ZNF536: variants seen among roughly 807,000 people sequenced by gnomAD.
The protein encoded by ZNF536 is zinc finger protein 536.
ZNF536 carries 13 observed loss-of-function variants against 84.5 expected under a neutral mutation model. The observed-to-expected ratio is 0.15, with a 90% CI of 0.10 to 0.24. ZNF536 has a LOEUF of 0.24. ZNF536 is among the 10% of genes least tolerant of loss of function. The pLI is 1.00. For synonymous variants in ZNF536, 811 were observed against 742.5 expected (o/e 1.09, Z -1.50); for missense variants, 1,536 against 1,747.5 (o/e 0.88, Z 2.16).
intron 2 of ZNF536, among the ~76,000 whole-genome samples, chr19:30,467,173 C>A (rs1357426014): frequency 1.3e-5 from 2 of 152,166 alleles, no homozygotes; most frequent in Admixed American, 1.3e-4. Flanking sequence ...GTGGTATGAG[C>A]TACATGCACA....
intron 1 of ZNF536, among the ~76,000 whole-genome samples, chr19:30,567,457 TCA>T (rs1379059018): frequency 6.6e-6 from 1 of 152,210 alleles, no homozygotes; most frequent in Non-Finnish European, 1.5e-5. Context: ...TCCTTCCATG[TCA>T]CAGTCTGTGA....
chr19:30,253,176 C>T (rs923641446), intron 1 of ZNF536, among the ~76,000 whole-genome samples: 3 of 152,130 alleles, frequency 2.0e-5, no homozygotes, highest in Non-Finnish European at 4.4e-5. Flanking sequence ...GGAGAGGGAT[C>T]CTAGCTGGTG....
intron 1 of ZNF536, among the ~76,000 whole-genome samples, chr19:30,564,972 TAAG>T (rs1455076811): frequency 3.9e-5 from 6 of 152,152 alleles, no homozygotes; most frequent in African/African-American, 1.2e-4. Flanking sequence ...GGGCTGTGAT[TAAG>T]AAGGTCTTAT....
At chr19:30,406,477 A>T (rs1165054492) in intron 1 of ZNF536, among the ~76,000 whole-genome samples, 2 of 152,152 alleles carry the variant, frequency 1.3e-5, no homozygotes, top group African/African-American at 4.8e-5. Flanking sequence ...CTGCAGGCTG[A>T]TGTAGGAGAG....
chr19:30,370,809 A>G (rs2048587560), upstream of ZNF536, among the ~76,000 whole-genome samples: 1 of 152,252 alleles, frequency 6.6e-6, no homozygotes, highest in Non-Finnish European at 1.5e-5. Flanking sequence ...AATGATAAGT[A>G]CGTATTTTTG....
chr19:30,322,919 T>C (rs1342537566), intron 2 of ZNF536, among the ~76,000 whole-genome samples: 1 of 152,222 alleles, frequency 6.6e-6, no homozygotes, highest in African/African-American at 2.4e-5. Context: ...AGAGATTTGC[T>C]GAGGCTCAAA....
At chr19:30,391,981 C>G (rs116994397) in intron 1 of ZNF536, among the ~76,000 whole-genome samples, 5,731 of 152,222 alleles carry the variant, frequency 0.038, 166 homozygotes, top group Middle Eastern at 0.12. Context: ...TATCCTCCCC[C>G]CTTCACCCCC....
At chr19:30,256,553 C>T (rs2024926862) in intron 1 of ZNF536, among the ~76,000 whole-genome samples, 1 of 152,154 alleles carries the variant, frequency 6.6e-6, no homozygotes, top group African/African-American at 2.4e-5. Context: ...AGGGGCTTAA[C>T]TCAGTCCTGC....
At chr19:30,410,661 G>A (rs865895851) in intron 1 of ZNF536, among the ~76,000 whole-genome samples, 3 of 152,110 alleles carry the variant, frequency 2.0e-5, no homozygotes, top group African/African-American at 7.2e-5. Context: ...GTGTTTTTTA[G>A]TAGAGACGGG....
chr19:30,621,352 G>C (rs759574246), intron 1 of ZNF536, among the ~76,000 whole-genome samples: 1 of 151,920 alleles, frequency 6.6e-6, no homozygotes, highest in East Asian at 1.9e-4. Flanking sequence ...CTCACATATC[G>C]TGCCAGAATT....
intron 2 of ZNF536, among the ~76,000 whole-genome samples, chr19:30,303,516 T>A (rs2046252870): frequency 6.6e-6 from 1 of 151,936 alleles, no homozygotes; most frequent in African/African-American, 2.4e-5. Context: ...CTTTTTTTTT[T>A]TTTTGAGATG....
intron 1 of ZNF536, among the ~76,000 whole-genome samples, chr19:30,569,222 T>C (rs1285601346): frequency 1.3e-5 from 2 of 152,166 alleles, no homozygotes; most frequent in African/African-American, 4.8e-5. Context: ...TTGAGGTATA[T>C]ATCACGTAAT....
intron 2 of ZNF536, among the ~76,000 whole-genome samples, chr19:30,314,316 G>A (rs1299067241): frequency 1.3e-5 from 2 of 152,190 alleles, no homozygotes; most frequent in African/African-American, 2.4e-5. Flanking sequence ...AGGCTGTGGT[G>A]TAGACAGGGC....
At chr19:30,610,301 C>T (rs541303159) in intron 1 of ZNF536, among the ~76,000 whole-genome samples, 3 of 152,180 alleles carry the variant, frequency 2.0e-5, no homozygotes, top group South Asian at 4.1e-4. Flanking sequence ...TAGGGTGTGA[C>T]GGCAACCATA....
intron 1 of ZNF536, among the ~76,000 whole-genome samples, chr19:30,399,026 CCCA>C (rs1165812287): frequency 1.3e-5 from 2 of 152,192 alleles, no homozygotes; most frequent in East Asian, 1.9e-4. Context: ...AATTTACACT[CCCA>C]CCAACAGTGT....
At chr19:30,490,464 C>A (rs141543692) in intron 2 of ZNF536, among the ~76,000 whole-genome samples, 2 of 152,320 alleles carry the variant, frequency 1.3e-5, no homozygotes, top group African/African-American at 4.8e-5. Context: ...AAGGGGCCAG[C>A]TCACATCCCT....
intron 2 of ZNF536, among the ~76,000 whole-genome samples, chr19:30,470,932 C>T (rs1461273286): frequency 1.3e-5 from 2 of 151,926 alleles, no homozygotes; most frequent in East Asian, 3.9e-4. Context: ...AGACAATCTG[C>T]CTGCCTCAGC....
At chr19:30,304,000 G>GT (rs2046270150) in intron 2 of ZNF536, among the ~76,000 whole-genome samples, 1 of 152,160 alleles carries the variant, frequency 6.6e-6, no homozygotes, top group African/African-American at 2.4e-5. Flanking sequence ...GATGGGGATG[G>GT]GGACTGGTGG....
intron 1 of ZNF536, among the ~76,000 whole-genome samples, chr19:30,618,022 T>C (rs2048363692): frequency 6.6e-6 from 1 of 152,250 alleles, no homozygotes; most frequent in Non-Finnish European, 1.5e-5. Flanking sequence ...CTTTACTGTA[T>C]ACATTGTGCT....
Sources: gnomAD v4.1 joint callset for allele counts (sites outside exome capture counted in the v4.1 genomes callset) on GRCh38, gnomAD v4.1.1 for gene constraint, MANE v1.5 for transcripts, NCBI Gene and HGNC (gene_info 2026-07-23, HGNC 2026-07-21) for gene names.